Variants in MSR1 observed in about 807,000 individuals in gnomAD.
The protein encoded by MSR1 is macrophage scavenger receptor types I and II.
Under a neutral mutation model 47.2 loss-of-function variants are expected in MSR1, and 53 were observed. The ratio of observed to expected loss-of-function variants is 1.12; its 90% CI spans 0.90 to 1.41. The LOEUF (loss-of-function observed/expected upper bound fraction) is 1.41. Ranked by LOEUF, MSR1 falls within the 40% of genes most tolerant of loss-of-function variation. The pLI, the probability that MSR1 is intolerant of heterozygous loss-of-function variation, is 0.00. For synonymous variants in MSR1, 239 were observed against 185.6 expected (o/e 1.29, Z -2.34); for missense variants, 786 against 546.9 (o/e 1.44, Z -4.36).
intron 6 of MSR1, among the ~76,000 whole-genome samples, chr8:16,152,635 C>T (rs955830588): frequency 7.2e-5 from 11 of 152,022 alleles, no homozygotes; most frequent in African/African-American, 2.4e-4. Flanking sequence ...TTATTGATCA[C>T]ATTGGGCATA....
chr8:16,169,623 G>A (rs567190015), intron 3 of MSR1, among the ~76,000 whole-genome samples: 2 of 151,972 alleles, frequency 1.3e-5, no homozygotes, highest in Non-Finnish European at 2.9e-5. Context: ...TTTGGTGTAC[G>A]TGTCTCAACC....
At chr8:16,140,809 G>T in intron 8 of MSR1, 1 of 1,520,206 alleles carries the variant, frequency 6.6e-7, no homozygotes, top group Non-Finnish European at 8.8e-7. Flanking sequence ...TATGAGCATG[G>T]GAGCAGAGGC....
chr8:16,122,652 T>C (rs1427849200), intron 8 of MSR1, among the ~76,000 whole-genome samples: 1 of 152,012 alleles, frequency 6.6e-6, no homozygotes, highest in African/African-American at 2.4e-5. Flanking sequence ...GGACCACACT[T>C]TGAGAACCAC....
intron 3 of MSR1, among the ~76,000 whole-genome samples, chr8:16,174,118 C>T (rs970840404): frequency 1.3e-5 from 2 of 152,126 alleles, no homozygotes; most frequent in African/African-American, 4.8e-5. Flanking sequence ...ATTACAGTCT[C>T]TGTAGAGAGG....
intron 5 of MSR1, among the ~76,000 whole-genome samples, chr8:16,160,383 G>C (rs879763502): frequency 6.6e-6 from 1 of 152,038 alleles, no homozygotes; most frequent in Admixed American, 6.6e-5. Context: ...AACTTGCTAA[G>C]ACAAAAGTCT....
intron 8 of MSR1, among the ~76,000 whole-genome samples, chr8:16,126,137 A>G (rs147405500): frequency 1.3e-5 from 2 of 152,130 alleles, no homozygotes; most frequent in Admixed American, 1.3e-4. Flanking sequence ...ACCCTGCACA[A>G]ATTATTTAAA....
Position 16,164,206 on chromosome 8 carries a change from T to C in MSR1, c.676A>G (p.Ile226Val). 1 of 1,612,422 alleles carries C rather than the reference T, an allele frequency of 6.2e-7. No individual in the cohort carries two copies. Among genetic ancestry groups the C allele is most frequent in the Middle Eastern group, 1.7e-4 (1 of 6,054 alleles). ...EERVYNVSAE[I>V]MAMKEEQVHL... Reference sequence around the variant, plus strand: ...ACTTGTTCTTCTTTCATAGCCATAATTTCTGCTGATACATTGTAAACACGC... The same window carrying C: ...ACTTGTTCTTCTTTCATAGCCATAACTTCTGCTGATACATTGTAAACACGC... Residue 226 changes from isoleucine (I) to valine (V), a missense_variant, in exon 5 of 10, where the codon ATT becomes GTT. Transcript: ENST00000262101.
chr8:16,111,572 C>A lies in MSR1; in HGVS notation c.1223-1354G>T, dbSNP rs1002793245. On this transcript the variant is annotated intron_variant, in intron 9 of 9. Coordinates refer to ENST00000262101, the MANE Select transcript of MSR1 (RefSeq NM_138715.3). ...AGCAAGGCCATCCCAACATGAATAG[C>A]AAAGGAAAGAAATTATTTAGTTGAC... 2.6e-5 allele frequency among the ~76,000 whole-genome samples: 4 copies of A among 152,056 alleles called. No individual in the cohort carries two copies. The East Asian group carries it at 7.7e-4, about 29-fold the overall frequency.
intron 8 of MSR1, among the ~76,000 whole-genome samples, chr8:16,134,835 G>A (rs1315704951): frequency 1.3e-5 from 2 of 152,146 alleles, no homozygotes. Flanking sequence ...CCACCTTATT[G>A]CCGATATAAA....
At chr8:16,122,459 T>C (rs1328345582) in intron 8 of MSR1, among the ~76,000 whole-genome samples, 1 of 152,182 alleles carries the variant, frequency 6.6e-6, no homozygotes, top group Non-Finnish European at 1.5e-5. Context: ...CTCAAACATT[T>C]GATTATATGA....
chr8:16,155,501 A>G (rs985074993), intron 5 of MSR1, among the ~76,000 whole-genome samples: 1 of 152,052 alleles, frequency 6.6e-6, no homozygotes. Flanking sequence ...AGAGTTAGAT[A>G]TAATACAGAA....
At chr8:16,169,951 C>T (rs1203460386) in intron 3 of MSR1, among the ~76,000 whole-genome samples, 4 of 151,972 alleles carry the variant, frequency 2.6e-5, no homozygotes, top group African/African-American at 9.7e-5. Context: ...TAGATATCCC[C>T]AAATGGGCAT....
intron 6 of MSR1, among the ~76,000 whole-genome samples, chr8:16,153,742 G>T (rs368571830): frequency 6.6e-6 from 1 of 151,976 alleles, no homozygotes; most frequent in South Asian, 2.1e-4. Context: ...TTATGGTTGA[G>T]TTATAAAGCT....
intron 9 of MSR1, among the ~76,000 whole-genome samples, chr8:16,110,692 T>C (rs551606370): frequency 6.6e-6 from 1 of 152,232 alleles, no homozygotes; most frequent in South Asian, 2.1e-4. Flanking sequence ...TTTGTTATCT[T>C]CCCGTGTATT....
intron 4 of MSR1, among the ~76,000 whole-genome samples, chr8:16,166,558 G>T (rs1044442336): frequency 7.9e-5 from 12 of 152,000 alleles, no homozygotes; most frequent in African/African-American, 2.7e-4. Context: ...AGGAGGAAAA[G>T]TGTATTTAAT....
intron 6 of MSR1, among the ~76,000 whole-genome samples, chr8:16,153,440 C>T (rs11786960): frequency 0.34 from 52,267 of 151,684 alleles, 10,698 homozygotes; most frequent in South Asian, 0.45. Context: ...AGGAACTCGA[C>T]CTGTCTTTTA....
intron 5 of MSR1, among the ~76,000 whole-genome samples, chr8:16,161,271 G>A (rs933579387): frequency 6.6e-6 from 1 of 151,938 alleles, no homozygotes; most frequent in East Asian, 1.9e-4. Context: ...AGATCAGGCA[G>A]TGAGCAGGTA....
At chr8:16,123,682 A>G (rs12114699) in intron 8 of MSR1, among the ~76,000 whole-genome samples, 5,644 of 151,752 alleles carry the variant, frequency 0.037, 205 homozygotes, top group East Asian at 0.13. Context: ...AGCATAGACT[A>G]TGTGCCTAAA....
intron 1 of MSR1, among the ~76,000 whole-genome samples, chr8:16,185,881 A>G (rs1801983280): frequency 6.6e-6 from 1 of 151,420 alleles, no homozygotes; most frequent in African/African-American, 2.4e-5. Flanking sequence ...CATAAACTTG[A>G]AAAACATGAT....
Sources: gnomAD v4.1 joint callset for allele counts (sites outside exome capture counted in the v4.1 genomes callset) on GRCh38, gnomAD v4.1.1 for gene constraint, MANE v1.5 for transcripts, NCBI Gene and HGNC (gene_info 2026-07-23, HGNC 2026-07-21) for gene names.